The following RSKR variants were observed in gnomAD, a reference collection of about 807,000 sequenced individuals.
RSKR encodes ribosomal protein S6 kinase-related protein.
In RSKR, 44 loss-of-function variants were observed where a neutral mutation model predicts 56.8. The ratio of observed to expected loss-of-function variants is 0.77; its 90% CI spans 0.61 to 1.00. RSKR has a LOEUF of 1.00. Ranked by LOEUF, RSKR falls within the 50% of genes least tolerant of loss-of-function variation. RSKR has a pLI of 0.00. For missense variants in RSKR, 510 were observed against 506.9 expected, an observed-to-expected ratio of 1.01 and a Z score of -0.06; for synonymous variants, 181 against 188.0, an observed-to-expected ratio of 0.96 and a Z score of 0.30.
chr17:28,613,826 C>T (rs529555965), intron 1 of RSKR, 138 bp from the exon 2 acceptor site: 182 of 1,286,208 alleles, frequency 1.4e-4, no homozygotes, highest in Non-Finnish European at 1.8e-4. Context: ...TTCCCATTAC[C>T]CTTGCTTTGT....
At position 28,611,606 on chromosome 17, in the gene RSKR, C is replaced by T; in HGVS notation, c.772G>A (p.Ala258Thr). Reference sequence around the variant, plus strand: ...GTGCCACAGATAGTGTAGGCTTGAGCTCCCTGGGGCACGTGGCGGGACAGA... The same window carrying T: ...GTGCCACAGATAGTGTAGGCTTGAGTTCCCTGGGGCACGTGGCGGGACAGA... The part of the protein sequence containing the change: ...FGLSRHVPQG[A>T]QAYTICGTLQ... The change falls in exon 9 of 12, where the codon GCT becomes ACT. Residue 258 changes from alanine to threonine, a missense_variant. Physicochemically the swap from Ala to Thr is moderately conservative, Grantham distance 58 (BLOSUM62 0). Transcript: ENST00000301037. The T allele has an allele frequency of 6.4e-7, 1 of 1,565,080 alleles. No homozygotes were observed. The highest frequency in any genetic ancestry group is 8.6e-7 in the Non-Finnish European group (1 of 1,158,382).
chr17:28,612,568 G>A, intron 5 of RSKR, 50 bp downstream of exon 5: 1 of 1,586,286 alleles, frequency 6.3e-7, no homozygotes, highest in Non-Finnish European at 8.7e-7. Context: ...CTCAGGTGGG[G>A]AACATGGTAC....
At chr17:28,612,954 A>T in intron 4 of RSKR, 124 bp downstream of exon 4, 1 of 1,033,288 alleles carries the variant, frequency 9.7e-7, no homozygotes, top group Non-Finnish European at 1.5e-6. Context: ...GATCTACTTT[A>T]GTGTTAAACT....
At chr17:28,611,081 A>C in intron 11 of RSKR, 62 bp downstream of exon 11, 2 of 1,413,264 alleles carry the variant, frequency 1.4e-6, no homozygotes, top group Non-Finnish European at 9.6e-7. Context: ...AAATCACTTT[A>C]ATGAAGGCAG....
rs979922726 is a variant in RSKR, at chr17:28,610,540, T to C, written c.1171A>G (p.Met391Val). The C allele has an allele frequency of 6.5e-7, 1 of 1,536,036 alleles. No homozygotes were observed. Among genetic ancestry groups the C allele is most frequent in the Non-Finnish European group, 8.7e-7 (1 of 1,146,886 alleles). ...QATQPSSAET[M>V]PFDDFDCDLE... ...TCACAGTCAAAGTCGTCAAAGGGCA[T>C]GGTCTCCGCTGAACTGGGCTGGGTA... Residue 391 changes from methionine (M) to valine (V), a missense_variant, in exon 12 of 12, where the codon ATG becomes GTG. Transcript: ENST00000301037.
chr17:28,614,123 C>T lies in RSKR; in HGVS notation c.39G>A (p.Gln13=). The T allele has an allele frequency of 6.2e-7, 1 of 1,613,642 alleles. No homozygotes were observed. The highest frequency in any genetic ancestry group is 1.1e-5 in the South Asian group (1 of 91,086). The part of the protein sequence containing the change: ...AVSCRQGQHT[Q]QGEHTRVAVP... ...CAGCCACCCGGGTGTGTTCCCCCTG[C>T]TGGGTGTGCTGCCCCTGCCGACAGC... The change falls in exon 1 of 12, where the codon CAG becomes CAA. Residue 13 remains glutamine, a synonymous_variant. Coordinates refer to ENST00000301037, the MANE Select transcript of RSKR (RefSeq NM_001174103.2).
chr17:28,611,412 A>C lies in RSKR; in HGVS notation c.881T>G (p.Phe294Cys). The C allele has an allele frequency of 6.3e-7, 1 of 1,598,270 alleles. No individual in the cohort carries two copies. Among genetic ancestry groups the C allele is most frequent in the Admixed American group, 1.7e-5 (1 of 58,964 alleles). Residue 294 changes from phenylalanine (F) to cysteine (C), a missense_variant, in exon 10 of 12, where the codon TTC (phenylalanine) becomes TGC (cysteine). Coordinates refer to ENST00000301037, the MANE Select transcript of RSKR (RefSeq NM_001174103.2). ...ADWWSLGVLLFSLATGKFPVA... is the reference protein window; with the variant it reads ...ADWWSLGVLLCSLATGKFPVA... ...TCTCACCTTTCCAGTCGCCAGAGAG[A>C]AAAGCAAGACACCCAGGGACCACCA... is the stretch of plus-strand genomic sequence containing the variant.
chr17:28,612,029 A>T lies in RSKR; in HGVS notation c.693+15T>A, dbSNP rs2070822856. On this transcript the variant is annotated intron_variant, in intron 7 of 11. Coordinates refer to ENST00000301037, the MANE Select transcript of RSKR (RefSeq NM_001174103.2). ...ACTCTTTCTCAGACAAAGGGAAAAAAGCACTTAACTCTACCTTCACATCTC... is the reference window on the plus strand; with the variant it reads ...ACTCTTTCTCAGACAAAGGGAAAAATGCACTTAACTCTACCTTCACATCTC... The T allele has an allele frequency of 6.2e-7, 1 of 1,614,188 alleles. No homozygotes were observed. Among genetic ancestry groups the T allele is most frequent in the African/African-American group, 1.3e-5 (1 of 75,048 alleles).
At position 28,613,501 on chromosome 17, in the gene RSKR, A is replaced by G. The variant is rs1478654063; in HGVS notation, c.263T>C (p.Phe88Ser). The part of the protein sequence containing the change: ...KPLPEWPVPQ[F>S]INLFLPEFPI... Reference sequence around the variant, plus strand: ...AAACTCTGGTAGAAAGAGGTTGATGAACTGAGGCACTGGCCACTCTGGCAG... The same window carrying G: ...AAACTCTGGTAGAAAGAGGTTGATGGACTGAGGCACTGGCCACTCTGGCAG... The change falls in exon 2 of 12, where the codon TTC becomes TCC. Residue 88 changes from phenylalanine (F) to serine (S), a missense_variant. Coordinates refer to ENST00000301037, the MANE Select transcript of RSKR (RefSeq NM_001174103.2). The G allele has an allele frequency of 1.2e-6, 2 of 1,614,204 alleles. No individual in the cohort carries two copies. The highest frequency in any genetic ancestry group is 4.5e-5 in the East Asian group (2 of 44,878).
chr17:28,613,484 G>A lies in RSKR; in HGVS notation c.280C>T (p.Pro94Ser), dbSNP rs766432123. Residue 94 changes from proline to serine, a missense_variant, in exon 2 of 12, where the codon CCA (proline) becomes TCA (serine). Coordinates refer to ENST00000301037, the MANE Select transcript of RSKR (RefSeq NM_001174103.2). ...PVPQFINLFL[P>S]EFPIRPIRGQ... is the part of the protein sequence containing the mutation. Reference sequence around the variant, plus strand: ...CTAATGGGCCTAATGGGAAACTCTGGTAGAAAGAGGTTGATGAACTGAGGC... The same window carrying A: ...CTAATGGGCCTAATGGGAAACTCTGATAGAAAGAGGTTGATGAACTGAGGC... 15 of 1,614,070 alleles carry A rather than the reference G, an allele frequency of 9.3e-6. No homozygotes were observed. In the East Asian group the frequency reaches 2.5e-4, roughly 26 times the overall value.
chr17:28,610,406 G>A lies in RSKR; in HGVS notation c.*72C>T. The stretch of plus-strand genomic sequence containing the variant: ...AATAAAAACAAACTGGATTATCAAG[G>A]TGGTCATACTGAGTAGGCAGGGATG... On this transcript the variant is annotated 3_prime_UTR_variant, in exon 12 of 12. Transcript: ENST00000301037. The A allele has an allele frequency of 2.3e-6, 3 of 1,303,944 alleles. No individual in the cohort carries two copies. The highest frequency in any genetic ancestry group is 3.2e-6 in the Non-Finnish European group (3 of 941,362). The allele number at this position is 1,303,944 out of a possible 1,614,324, so 80.8% of individuals were successfully genotyped here. A position where few individuals can be genotyped will look rare whatever the true frequency, so the allele number is the denominator to read the frequency against.
At chr17:28,613,829 T>A in intron 1 of RSKR, 141 bp from the exon 2 acceptor site, 1 of 1,255,168 alleles carries the variant, frequency 8.0e-7, no homozygotes. Context: ...CCATTACCCT[T>A]GCTTTGTGCT....
chr17:28,612,064 T>C lies in RSKR; in HGVS notation c.673A>G (p.Ile225Val). The stretch of plus-strand genomic sequence containing the variant: ...TCTACCTTCACATCTCGATGCATGA[T>C]GCCCAAGTCATGGAGATAACCTGTG... ...LVLCYLHDLG[I>V]MHRDVKMENI... Residue 225 changes from isoleucine to valine, a missense_variant, in exon 7 of 12, where the codon ATC (isoleucine) becomes GTC (valine). Coordinates refer to ENST00000301037, the MANE Select transcript of RSKR (RefSeq NM_001174103.2). 6.2e-7 allele frequency: 1 copy of C among 1,614,264 alleles called. No homozygotes were observed. The highest frequency in any genetic ancestry group is 8.5e-7 in the Non-Finnish European group (1 of 1,180,054).
chr17:28,611,230 A>C lies in RSKR; in HGVS notation c.924T>G (p.Asp308Glu), dbSNP rs766281448. 3.0e-5 allele frequency: 46 copies of C among 1,536,220 alleles called. No homozygotes were observed. Among genetic ancestry groups the C allele is most frequent in the Non-Finnish European group, 3.7e-5 (43 of 1,146,868 alleles). ...TGKFPVAAER[D>E]HVAMLASVTH... ...TCACACTTGCCAACATGGCCACATG[A>C]TCTCTCTCTGCAGCCACTGGAAACT... is the stretch of plus-strand genomic sequence containing the variant. The change falls in exon 11 of 12, where the codon GAT (aspartate) becomes GAG (glutamate). Residue 308 changes from aspartate (D) to glutamate (E), a missense_variant. Transcript: ENST00000301037.
Position 28,613,335 on chromosome 17 carries a change from A to T in RSKR, c.335T>A (p.Leu112His). The T allele has an allele frequency of 1.9e-6, 3 of 1,614,234 alleles. No homozygotes were observed. Among genetic ancestry groups the T allele is most frequent in the Non-Finnish European group, 2.5e-6 (3 of 1,180,032 alleles). ...RGQQQLKILGLVAKGSFGTVL... is the reference protein window; with the variant it reads ...RGQQQLKILGHVAKGSFGTVL... The stretch of plus-strand genomic sequence containing the variant: ...AGTTCCAAAGGAGCCTTTAGCCACG[A>T]GGCCTAAAATCTGTACAGAGGAATG... Residue 112 changes from leucine to histidine, a missense_variant, in exon 3 of 12, where the codon CTC (leucine) becomes CAC (histidine). Leu to His is a moderately conservative substitution (Grantham distance 99). Transcript: ENST00000301037.
At chr17:28,612,506 G>A in intron 5 of RSKR, 112 bp downstream of exon 5, 1 of 1,393,768 alleles carries the variant, frequency 7.2e-7, no homozygotes. Context: ...GGGACAGAGA[G>A]GTGCCATGAG....
intron 7 of RSKR, 48 bp downstream of exon 7, chr17:28,611,996 T>G (rs1254207193): frequency 4.3e-6 from 7 of 1,614,012 alleles, no homozygotes; most frequent in African/African-American, 2.7e-5. Flanking sequence ...TTGGCACTTC[T>G]TATTGAGACT....
At chr17:28,611,302 A>C (rs1308668642) in intron 10 of RSKR, 49 bp from the exon 11 acceptor site, 2 of 1,530,330 alleles carry the variant, frequency 1.3e-6, no homozygotes, top group Non-Finnish European at 8.8e-7. Flanking sequence ...TTCATTCCTT[A>C]GTAGGAATAC....
In RSKR at chr17:28,613,348, G is replaced by T; in HGVS notation, c.325-3C>A. The T allele has an allele frequency of 6.2e-7, 1 of 1,614,192 alleles. No homozygotes were observed. Among genetic ancestry groups the T allele is most frequent in the South Asian group, 1.1e-5 (1 of 91,088 alleles). ...CCTTTAGCCACGAGGCCTAAAATCT[G>T]TACAGAGGAATGGAGAACAGGCCAG... is the stretch of plus-strand genomic sequence containing the variant. On this transcript the variant is annotated splice_region_variant and splice_polypyrimidine_tract_variant and intron_variant, in intron 2 of 11. Transcript: ENST00000301037.
Sources: allele counts gnomAD v4.1 joint callset, GRCh38; gene constraint gnomAD v4.1.1; transcripts MANE v1.5; gene names NCBI Gene and HGNC (gene_info 2026-07-23, HGNC 2026-07-21).